PDE4D: variants seen among roughly 807,000 people sequenced by gnomAD.
PDE4D encodes the protein phosphodiesterase 4D.
PDE4D carries 24 observed loss-of-function variants against 87.4 expected under a neutral mutation model. The ratio of observed to expected loss-of-function variants is 0.27; its 90% CI spans 0.20 to 0.39. PDE4D has a LOEUF of 0.39. Ranked by LOEUF, PDE4D falls within the 10% of genes least tolerant of loss-of-function variation. PDE4D has a pLI of 1.00. For missense variants in PDE4D, 714 were observed against 1,041.0 expected, an observed-to-expected ratio of 0.69 and a Z score of 4.32; for synonymous variants, 384 against 383.2, an observed-to-expected ratio of 1.00 and a Z score of -0.02.
At chr5:58,981,779 G>A (rs1239333569) in intron 11 of PDE4D, among the ~76,000 whole-genome samples, 2 of 152,110 alleles carry the variant, frequency 1.3e-5, no homozygotes, top group Non-Finnish European at 2.9e-5. Context: ...GAAGGGTATG[G>A]GTTATTAGTG....
At chr5:60,153,582 A>G (rs1781706505) in intron 2 of PDE4D, among the ~76,000 whole-genome samples, 1 of 152,202 alleles carries the variant, frequency 6.6e-6, no homozygotes, top group African/African-American at 2.4e-5. Context: ...ATGTTCTTTG[A>G]AGCATTATTC....
intron 1 of PDE4D, among the ~76,000 whole-genome samples, chr5:60,272,744 T>C (rs564285466): frequency 1.6e-4 from 25 of 152,304 alleles, no homozygotes; most frequent in African/African-American, 6.0e-4. Context: ...TGCAAGGATA[T>C]AAAGAATTTA....
At chr5:59,664,817 G>A (rs1745802893) in intron 1 of PDE4D, among the ~76,000 whole-genome samples, 1 of 152,080 alleles carries the variant, frequency 6.6e-6, no homozygotes, top group Non-Finnish European at 1.5e-5. Context: ...CTTCTTAAAT[G>A]GCAGAGAAAA....
chr5:59,250,323 A>C (rs1326809950), intron 1 of PDE4D, among the ~76,000 whole-genome samples: 1 of 151,400 alleles, frequency 6.6e-6, no homozygotes, highest in Non-Finnish European at 1.5e-5. Context: ...CAAAAAAAAA[A>C]ACAAAAAAAA....
intron 1 of PDE4D, among the ~76,000 whole-genome samples, chr5:59,642,518 G>T (rs1448606006): frequency 6.6e-6 from 1 of 152,062 alleles, no homozygotes; most frequent in Non-Finnish European, 1.5e-5. Context: ...TTCTCGTGGT[G>T]GTGAATAAGT....
intron 1 of PDE4D, among the ~76,000 whole-genome samples, chr5:59,887,250 G>A (rs1750299187): frequency 6.6e-6 from 1 of 152,150 alleles, no homozygotes; most frequent in Non-Finnish European, 1.5e-5. Context: ...AAGTGGTATG[G>A]TGAGGTTTGG....
intron 2 of PDE4D, among the ~76,000 whole-genome samples, chr5:60,124,164 AT>A (rs1042591528): frequency 9.9e-5 from 15 of 152,196 alleles, no homozygotes; most frequent in African/African-American, 3.4e-4. Context: ...TTTTAGTTTA[AT>A]TTTCCAAAAT....
At chr5:59,629,943 A>T (rs998940943) in intron 1 of PDE4D, among the ~76,000 whole-genome samples, 2 of 152,134 alleles carry the variant, frequency 1.3e-5, no homozygotes, top group African/African-American at 2.4e-5. Context: ...GACTTATCTA[A>T]ATACACTCAC....
intron 2 of PDE4D, among the ~76,000 whole-genome samples, chr5:60,042,851 C>T (rs182225218): frequency 6.5e-4 from 99 of 152,164 alleles, no homozygotes; most frequent in Admixed American, 2.4e-3. Flanking sequence ...GGAACCAGTG[C>T]AAAAAGTCTT....
chr5:59,154,240 G>A (rs1394904957), intron 5 of PDE4D, among the ~76,000 whole-genome samples: 1 of 152,190 alleles, frequency 6.6e-6, no homozygotes, highest in Non-Finnish European at 1.5e-5. Flanking sequence ...GTGCAACAGA[G>A]ATCGACCATT....
intron 1 of PDE4D, among the ~76,000 whole-genome samples, chr5:60,336,167 T>C (rs1187959915): frequency 1.3e-5 from 2 of 152,240 alleles, no homozygotes; most frequent in African/African-American, 4.8e-5. Context: ...CTTATGGTAG[T>C]ATAAACAGTG....
At chr5:60,153,671 T>C (rs537865237) in intron 2 of PDE4D, among the ~76,000 whole-genome samples, 2 of 152,304 alleles carry the variant, frequency 1.3e-5, no homozygotes, top group East Asian at 1.9e-4. Context: ...GTTGTGTGTA[T>C]ACTATTCAGC....
intron 1 of PDE4D, among the ~76,000 whole-genome samples, chr5:60,195,600 T>G (rs1741121904): frequency 6.6e-6 from 1 of 151,698 alleles, no homozygotes. Flanking sequence ...TACTGGACAC[T>G]TGTGGTATGC....
At chr5:59,254,727 G>A (rs1362423677) in intron 1 of PDE4D, among the ~76,000 whole-genome samples, 3 of 152,040 alleles carry the variant, frequency 2.0e-5, no homozygotes, top group African/African-American at 7.2e-5. Context: ...AAAATGGTGA[G>A]TACTCAGCCC....
chr5:59,534,645 T>C (rs551555751), intron 1 of PDE4D, among the ~76,000 whole-genome samples: 25 of 152,186 alleles, frequency 1.6e-4, no homozygotes, highest in Non-Finnish European at 2.2e-4. Flanking sequence ...CTGTGTGCAA[T>C]GGAGTTACAC....
At chr5:59,268,014 T>C (rs962706533) in intron 1 of PDE4D, among the ~76,000 whole-genome samples, 4 of 152,064 alleles carry the variant, frequency 2.6e-5, no homozygotes, top group Non-Finnish European at 5.9e-5. Context: ...GGTAGGGTGC[T>C]AGATGGTGGA....
intron 1 of PDE4D, among the ~76,000 whole-genome samples, chr5:60,425,201 A>T (rs184675332): frequency 2.3e-4 from 35 of 152,312 alleles, no homozygotes; most frequent in African/African-American, 7.7e-4. Flanking sequence ...TTCATATGGA[A>T]CCAAAAAAGA....
At chr5:60,502,474 T>C (rs1269875757) in intron 1 of PDE4D, among the ~76,000 whole-genome samples, 1 of 152,180 alleles carries the variant, frequency 6.6e-6, no homozygotes, top group Non-Finnish European at 1.5e-5. Context: ...TAGGATTGAC[T>C]TGGCAATGCG....
intron 1 of PDE4D, among the ~76,000 whole-genome samples, chr5:59,643,689 G>A (rs529832237): frequency 3.9e-5 from 6 of 152,270 alleles, no homozygotes; most frequent in Middle Eastern, 3.4e-3. Flanking sequence ...AATTAGCATC[G>A]ATTTACATTT....
Sources: allele counts gnomAD v4.1 joint callset (sites outside exome capture counted in the v4.1 genomes callset), GRCh38; gene constraint gnomAD v4.1.1; transcripts MANE v1.5; gene names NCBI Gene and HGNC (gene_info 2026-07-23, HGNC 2026-07-21).